Variants in LAMA3 observed in about 807,000 individuals in gnomAD.
The protein encoded by LAMA3 is laminin subunit alpha 3, also known as laminin subunit alpha-3.
LAMA3 carries 281 observed loss-of-function variants against 402.0 expected under a neutral mutation model. The observed-to-expected ratio is 0.70, with a 90% CI of 0.63 to 0.77. The LOEUF (loss-of-function observed/expected upper bound fraction) is 0.77. Among genes scored for constraint, LAMA3 ranks in the 30% least tolerant of loss-of-function variants. The pLI is 0.00. For synonymous variants in LAMA3, 1,431 were observed against 1,558.4 expected, an observed-to-expected ratio of 0.92 and a Z score of 1.93; for missense variants, 3,840 against 4,215.5, an observed-to-expected ratio of 0.91 and a Z score of 2.47.
rs186448415 is a variant in LAMA3 at position 23,831,478 on chromosome 18, G to A, written c.2824-2350G>A. Reference sequence around the variant, plus strand: ...ACACTCTTCTCTCCCCTATGGCCTGGTTGTCTTCTCCTTGTCCTCCACACT... The same window carrying A: ...ACACTCTTCTCTCCCCTATGGCCTGATTGTCTTCTCCTTGTCCTCCACACT... On this transcript the variant is annotated intron_variant, in intron 23 of 74. Transcript: ENST00000313654. Among the ~76,000 whole-genome samples the A allele has an allele frequency of 2.5e-3, 373 of 151,938 alleles. 4 individuals are homozygous for A. The highest frequency in any genetic ancestry group is 0.017 in the South Asian group (80 of 4,796).
At position 23,839,648 on chromosome 18, in the gene LAMA3, G is replaced by A; in HGVS notation, c.3192-137G>A. On this transcript the variant is annotated intron_variant, in intron 26 of 74. Coordinates refer to ENST00000313654, the MANE Select transcript of LAMA3 (RefSeq NM_198129.4). The surrounding 1 kb of genome is among the most constrained non-coding windows in gnomAD (Gnocchi z 4.5). ...GTATCATTATATAAAGATCCCTAGAGTTCTGTGCTTCCCCCAGCACTGGAT... is the reference window on the plus strand; with the variant it reads ...GTATCATTATATAAAGATCCCTAGAATTCTGTGCTTCCCCCAGCACTGGAT... 1 of 844,404 alleles carries A rather than the reference G, an allele frequency of 1.2e-6. No individual in the cohort carries two copies. Among genetic ancestry groups the A allele is most frequent in the Non-Finnish European group, 2.0e-6 (1 of 509,484 alleles). 52.3% of individuals were successfully genotyped at this position (844,404 alleles called of 1,614,324 possible). A position where few individuals can be genotyped will look rare whatever the true frequency, so the allele number is the denominator to read the frequency against.
intron 12 of LAMA3, among the ~76,000 whole-genome samples, chr18:23,789,775 A>T (rs992263177): frequency 6.6e-6 from 1 of 152,216 alleles, no homozygotes; most frequent in Non-Finnish European, 1.5e-5. Flanking sequence ...ATATTAAACA[A>T]CATTAAGTTG....
intron 60 of LAMA3, among the ~76,000 whole-genome samples, 171 bp from the exon 61 acceptor site, chr18:23,920,764 T>C (rs545920954): frequency 6.6e-6 from 1 of 152,230 alleles, no homozygotes; most frequent in Non-Finnish European, 1.5e-5. Context: ...CTTACAGTAT[T>C]GAACCATCAT....
At chr18:23,843,354 G>A (rs953214087) in intron 29 of LAMA3, among the ~76,000 whole-genome samples, 1 of 152,112 alleles carries the variant, frequency 6.6e-6, no homozygotes, top group African/African-American at 2.4e-5. Context: ...GCATAGCCCC[G>A]ATGTGCCTAC....
intron 22 of LAMA3, 85 bp downstream of exon 22, chr18:23,826,884 A>C: frequency 1.3e-6 from 1 of 784,314 alleles, no homozygotes; most frequent in Non-Finnish European, 2.2e-6. Context: ...GAGGTGTCTC[A>C]GGATCACAAC....
intron 12 of LAMA3, among the ~76,000 whole-genome samples, chr18:23,789,785 G>A (rs2062615409): frequency 6.6e-6 from 1 of 152,158 alleles, no homozygotes; most frequent in Non-Finnish European, 1.5e-5. Context: ...ACATTAAGTT[G>A]CACACTTTAC....
intron 73 of LAMA3, 89 bp from the exon 74 acceptor site, chr18:23,952,901 A>T (rs561421465): frequency 6.4e-7 from 1 of 1,556,262 alleles, no homozygotes; most frequent in Non-Finnish European, 8.9e-7. Context: ...CCACAGGTCT[A>T]GTATGAAGGA....
chr18:23,810,690 T>C (rs935629408), intron 13 of LAMA3, among the ~76,000 whole-genome samples, 187 bp downstream of exon 13: 2 of 152,134 alleles, frequency 1.3e-5, no homozygotes, highest in African/African-American at 4.8e-5. Context: ...ATATCATATA[T>C]GTACCCTCAA....
intron 4 of LAMA3, among the ~76,000 whole-genome samples, chr18:23,749,841 A>G (rs1338286334): frequency 6.6e-6 from 1 of 152,138 alleles, no homozygotes; most frequent in Admixed American, 6.5e-5. Flanking sequence ...GTTGCTGGTA[A>G]CTGAAATGAT....
chr18:23,899,617 A>G, intron 47 of LAMA3, 162 bp downstream of exon 47: 1 of 715,470 alleles, frequency 1.4e-6, no homozygotes, highest in Non-Finnish European at 2.4e-6. Flanking sequence ...AGCCCCCAGG[A>G]GTCCCAGGTT....
intron 1 of LAMA3, among the ~76,000 whole-genome samples, chr18:23,698,448 G>A (rs1010935673): frequency 2.0e-5 from 3 of 152,052 alleles, no homozygotes; most frequent in Non-Finnish European, 4.4e-5. Context: ...TTTGTGATCC[G>A]CCTGCCTTGG....
intron 65 of LAMA3, chr18:23,931,695 T>C: frequency 4.6e-6 from 1 of 219,254 alleles, no homozygotes; most frequent in Non-Finnish European, 9.1e-6. Context: ...CTCATATGAT[T>C]TCCTTTATAC....
chr18:23,791,734 T>TACA (rs768578380), intron 12 of LAMA3, among the ~76,000 whole-genome samples: 1 of 89,692 alleles, frequency 1.1e-5, no homozygotes, highest in Non-Finnish European at 2.1e-5. Context: ...AGAATTTGTC[T>TACA]AAAAAAAAAA....
At chr18:23,787,404 A>G (rs1410613680) in intron 12 of LAMA3, among the ~76,000 whole-genome samples, 1 of 152,242 alleles carries the variant, frequency 6.6e-6, no homozygotes, top group Non-Finnish European at 1.5e-5. Flanking sequence ...AGCCAAAGAA[A>G]TAATGGTGGA....
rs199637091 is a variant in LAMA3 at position 23,857,870 on chromosome 18, A to T, written c.4163A>T (p.Gln1388Leu). 144 of 1,614,228 alleles carry T rather than the reference A, an allele frequency of 8.9e-5. No homozygotes were observed. The highest frequency in any genetic ancestry group is 1.1e-4 in the Non-Finnish European group (134 of 1,180,032). ...TGCAAGCCCAGAATCACAGGGCGGC[A>T]GTGTGACCGATGTGCTTCCGGGTTT... ...CRCKPRITGR[Q>L]CDRCASGFYR... The change falls in exon 33 of 75, where the codon CAG (glutamine) becomes CTG (leucine). Residue 1388 changes from glutamine to leucine, a missense_variant. Physicochemically the swap from Gln to Leu is moderately radical, Grantham distance 113. Transcript: ENST00000313654.
chr18:23,913,776 C>T (rs192409763), intron 56 of LAMA3, among the ~76,000 whole-genome samples: 44 of 152,242 alleles, frequency 2.9e-4, no homozygotes, highest in African/African-American at 1.0e-3. Flanking sequence ...GTAAAATGCA[C>T]ATTACTTTAT....
chr18:23,883,286 G>A (rs2064962538), intron 40 of LAMA3, among the ~76,000 whole-genome samples: 1 of 152,144 alleles, frequency 6.6e-6, no homozygotes, highest in Non-Finnish European at 1.5e-5. Context: ...GTGACCAATA[G>A]ACTACATAGG....
intron 42 of LAMA3, among the ~76,000 whole-genome samples, chr18:23,892,487 C>G (rs1458187776): frequency 6.6e-6 from 1 of 151,934 alleles, no homozygotes; most frequent in Non-Finnish European, 1.5e-5. Flanking sequence ...TCCAGAGAAG[C>G]CTAGTCCCCC....
rs771939516 is a variant in LAMA3, at chr18:23,784,073, G to A, written c.1519G>A (p.Gly507Arg). Residue 507 changes from glycine (G) to arginine (R), a missense_variant, in exon 12 of 75, where the codon GGA becomes AGA. Transcript: ENST00000313654. ...GVLPEICDAH[G>R]RCLCRPGVEG... ...TCTCCCTGAAATATGTGATGCCCACGGACGGTGCCTGTGCCGCCCTGGGGT... is the reference window on the plus strand; with the variant it reads ...TCTCCCTGAAATATGTGATGCCCACAGACGGTGCCTGTGCCGCCCTGGGGT... 3.1e-5 allele frequency: 50 copies of A among 1,613,976 alleles called. No individual in the cohort carries two copies. The highest frequency in any genetic ancestry group is 1.6e-4 in the Middle Eastern group (1 of 6,084).
Sources: allele counts gnomAD v4.1 joint callset (sites outside exome capture counted in the v4.1 genomes callset), GRCh38; gene constraint gnomAD v4.1.1; non-coding constraint Gnocchi (gnomAD v3.1); transcripts MANE v1.5; gene names NCBI Gene and HGNC (gene_info 2026-07-23, HGNC 2026-07-21).